Variants in ABCB7 observed in about 807,000 individuals in gnomAD.
ABCB7 encodes the protein iron-sulfur clusters transporter ABCB7, mitochondrial.
In ABCB7, 7 loss-of-function variants were observed where a neutral mutation model predicts 54.4. The ratio of observed to expected loss-of-function variants is 0.13; its 90% CI spans 0.07 to 0.24. The LOEUF is 0.24. Ranked by LOEUF, ABCB7 falls within the 10% of genes least tolerant of loss-of-function variation. The probability of loss-of-function intolerance (pLI) is 1.00; values close to 1 mark genes in which losing one functional copy is unlikely to be tolerated. For synonymous variants in ABCB7, 218 were observed against 207.1 expected (o/e 1.05, Z -0.45); for missense variants, 356 against 570.4 (o/e 0.62, Z 3.83).
In ABCB7 at chrX:75,098,985, C is replaced by T. The variant is rs149781534; in HGVS notation, c.410G>A (p.Arg137Gln). The part of the protein sequence containing the change: ...YVWPKDRPDL[R>Q]ARVAISLGFL... The stretch of plus-strand genomic sequence containing the variant: ...TCCCAGCGAAATGGCAACTCTAGCT[C>T]GTAGATCTGGCCTGTCTTTGGGCCA... Residue 137 changes from arginine to glutamine, a missense_variant, in exon 4 of 16, where the codon CGA becomes CAA. Arg to Gln is a conservative substitution (Grantham distance 43). Transcript: ENST00000373394. The T allele has an allele frequency of 3.1e-5, 38 of 1,209,579 alleles. No individual in the cohort carries two copies. Among genetic ancestry groups the T allele is most frequent in the Non-Finnish European group, 1.7e-5 (15 of 894,931 alleles).
chrX:75,065,793 T>C (rs995724390), intron 12 of ABCB7, among the ~76,000 whole-genome samples: 1 of 111,456 alleles, frequency 9.0e-6, no homozygotes, highest in Non-Finnish European at 1.9e-5. Flanking sequence ...AAGCATACTT[T>C]TATCCTTTGA....
rs2081206863 is a variant in ABCB7 at position 75,052,950 on chromosome X, G to C, written c.*420C>G. The C allele has an allele frequency of 8.0e-6, 1 of 125,626 alleles. No homozygotes were observed. Among genetic ancestry groups the C allele is most frequent in the South Asian group, 2.9e-4 (1 of 3,463 alleles). The allele number at this position is 125,626 out of a possible 1,213,427, so 10.4% of individuals were successfully genotyped here. On this transcript the variant is annotated 3_prime_UTR_variant, in exon 16 of 16. Coordinates refer to ENST00000373394, the MANE Select transcript of ABCB7 (RefSeq NM_001271696.3). ...TTTCAATTGGACGAAGGAGGGAGAA[G>C]AAACAATGAACCTACACTATCCTCT...
intron 4 of ABCB7, among the ~76,000 whole-genome samples, chrX:75,079,548 G>A (rs1163616071): frequency 9.0e-6 from 1 of 111,223 alleles, no homozygotes; most frequent in African/African-American, 3.3e-5. Context: ...AAAACAGTAC[G>A]TAGTACAAAG....
chrX:75,150,924 A>G (rs2082127101), intron 1 of ABCB7, among the ~76,000 whole-genome samples: 1 of 111,137 alleles, frequency 9.0e-6, no homozygotes, highest in Non-Finnish European at 1.9e-5. Flanking sequence ...CCCAGTGACA[A>G]GTGCTCTTTA....
intron 2 of ABCB7, among the ~76,000 whole-genome samples, chrX:75,114,307 C>G (rs2147524371): frequency 8.9e-6 from 1 of 111,940 alleles, no homozygotes; most frequent in Admixed American, 9.5e-5. Flanking sequence ...ATGTCTTTCA[C>G]TTATATTAGC....
rs1202482567 is a variant in ABCB7, at chrX:75,124,631, T to C, written c.169-9800A>G. 1.2e-4 allele frequency among the ~76,000 whole-genome samples: 13 copies of C among 111,745 alleles called. 1 individual carries two copies. Among genetic ancestry groups the C allele is most frequent in the Non-Finnish European group, 3.8e-5 (2 of 53,093 alleles). On this transcript the variant is annotated intron_variant, in intron 1 of 15. Transcript: ENST00000373394. ...CCAATTCCTTTTAAATCATGAAATT[T>C]GGGGACGAATGTACAAAGAGGAATT... is the stretch of plus-strand genomic sequence containing the variant.
rs765568005 is a variant in ABCB7 at position 75,099,042 on chromosome X, C to T, written c.353G>A (p.Arg118Gln). ...AGAAAGCATTGCTTTTATGATTTTC[C>T]GAGTATCAACATCTTTTAACTATTG... Reference protein sequence around the residue: ...PKEGLKDVDTRKIIKAMLSYV... With the variant: ...PKEGLKDVDTQKIIKAMLSYV... Residue 118 changes from arginine (R) to glutamine (Q), a missense_variant, in exon 4 of 16, where the codon CGG (arginine) becomes CAG (glutamine). This residue lies in a region of ABCB7 where 115 missense variants were observed against 99.5 expected (regional missense o/e 1.16). Coordinates refer to ENST00000373394, the MANE Select transcript of ABCB7 (RefSeq NM_001271696.3). 106 of 1,207,695 alleles carry T rather than the reference C, an allele frequency of 8.8e-5. 1 individual carries two copies. In the South Asian group the frequency reaches 1.7e-3, roughly 19 times the overall value.
At chrX:75,090,054 A>T (rs2081532175) in intron 4 of ABCB7, among the ~76,000 whole-genome samples, 1 of 111,070 alleles carries the variant, frequency 9.0e-6, no homozygotes, top group African/African-American at 3.3e-5. Flanking sequence ...AAAAAGATAT[A>T]ACAATCCTTA....
chrX:75,068,601 G>A (rs747947737), intron 12 of ABCB7, among the ~76,000 whole-genome samples: 2 of 111,756 alleles, frequency 1.8e-5, no homozygotes, highest in East Asian at 2.8e-4. Flanking sequence ...AGTAGTTTCC[G>A]TTTTCTGAAC....
intron 15 of ABCB7, among the ~76,000 whole-genome samples, chrX:75,057,047 G>T (rs960552679): frequency 8.1e-5 from 9 of 111,794 alleles, no homozygotes; most frequent in Admixed American, 2.9e-4. Flanking sequence ...CTTTCTGTTT[G>T]TATTCAATTT....
chrX:75,089,921 C>G (rs1452806402), intron 4 of ABCB7, among the ~76,000 whole-genome samples: 1 of 110,520 alleles, frequency 9.0e-6, no homozygotes, highest in Non-Finnish European at 1.9e-5. Context: ...TAACCCTTAT[C>G]AAAGCTAAGC....
chrX:75,145,259 T>C (rs1462123299), intron 1 of ABCB7, among the ~76,000 whole-genome samples: 2 of 110,995 alleles, frequency 1.8e-5, no homozygotes, highest in Non-Finnish European at 3.8e-5. Context: ...ATACCAAAAC[T>C]TGGCAGAGAC....
chrX:75,076,694 A>C (rs757846918), intron 4 of ABCB7, 40 bp from the exon 5 acceptor site: 31 of 1,149,240 alleles, frequency 2.7e-5, no homozygotes, highest in Non-Finnish European at 3.4e-5. Context: ...TATACACAAA[A>C]TACTTATTTA....
intron 13 of ABCB7, among the ~76,000 whole-genome samples, chrX:75,063,451 C>A (rs987401486): frequency 1.8e-5 from 2 of 110,792 alleles, no homozygotes; most frequent in Non-Finnish European, 3.8e-5. Context: ...TTTACTTATT[C>A]TACAATTATT....
intron 4 of ABCB7, among the ~76,000 whole-genome samples, chrX:75,095,831 C>A (rs759052402): frequency 1.8e-5 from 2 of 111,995 alleles, no homozygotes; most frequent in South Asian, 7.5e-4. Context: ...CAAATATTAA[C>A]CTTCTAAAAA....
At chrX:75,140,574 T>A (rs188907111) in intron 1 of ABCB7, among the ~76,000 whole-genome samples, 3 of 111,421 alleles carry the variant, frequency 2.7e-5, no homozygotes, top group African/African-American at 9.9e-5. Flanking sequence ...AAACCATTAA[T>A]GGGGTAACAA....
chrX:75,097,207 G>A (rs1201127613), intron 4 of ABCB7, among the ~76,000 whole-genome samples: 2 of 111,539 alleles, frequency 1.8e-5, no homozygotes, highest in Non-Finnish European at 3.8e-5. Flanking sequence ...CGAATTCTCT[G>A]AAACATCTTC....
At chrX:75,077,916 C>CT (rs779192815) in intron 4 of ABCB7, among the ~76,000 whole-genome samples, 767 of 96,407 alleles carry the variant, frequency 8.0e-3, no homozygotes, top group African/African-American at 0.02. Flanking sequence ...TTCTTCTTTG[C>CT]TTTTTTTTTT....
intron 1 of ABCB7, among the ~76,000 whole-genome samples, chrX:75,130,248 A>C (rs189866419): frequency 3.1e-4 from 35 of 112,229 alleles, no homozygotes; most frequent in African/African-American, 1.1e-3. Flanking sequence ...TACAGGAGTG[A>C]TATCACCAAA....
Sources: gnomAD v4.1 joint callset for allele counts (sites outside exome capture counted in the v4.1 genomes callset) on GRCh38, gnomAD v4.1.1 for gene constraint, gnomAD v4.1.1 regional missense constraint, MANE v1.5 for transcripts, NCBI Gene and HGNC (gene_info 2026-07-23, HGNC 2026-07-21) for gene names.